Variants in NFIB observed in about 807,000 individuals in gnomAD.
NFIB encodes nuclear factor 1 B-type.
Under a neutral mutation model 61.5 loss-of-function variants are expected in NFIB, and 11 were observed. The observed-to-expected ratio is 0.18, with a 90% CI of 0.11 to 0.30. NFIB has a LOEUF of 0.30. NFIB is among the 10% of genes least tolerant of loss of function. The probability of loss-of-function intolerance (pLI) is 1.00; values close to 1 mark genes in which losing one functional copy is unlikely to be tolerated. For missense variants in NFIB, 471 were observed against 608.9 expected, an observed-to-expected ratio of 0.77 and a Z score of 2.38; for synonymous variants, 260 against 216.5, an observed-to-expected ratio of 1.20 and a Z score of -1.76.
At chr9:14,442,124 G>A in the NFIB span, among the ~76,000 whole-genome samples, 2 of 152,248 alleles carry the variant, frequency 1.3e-5, no homozygotes, top group South Asian at 4.2e-4. Flanking sequence ...GAGCTGCCAG[G>A]GCTGGGACTG....
chr9:14,346,718 A>C (rs1346932992), intron 1 of NFIB, among the ~76,000 whole-genome samples: 1 of 152,192 alleles, frequency 6.6e-6, no homozygotes, highest in East Asian at 1.9e-4. Context: ...CCACAAATTA[A>C]CTAGCTTGGG....
At chr9:14,090,550 T>C (rs2033722442) in intron 10 of NFIB, among the ~76,000 whole-genome samples, 1 of 152,122 alleles carries the variant, frequency 6.6e-6, no homozygotes, top group Admixed American at 6.6e-5. Context: ...AACGACCTAG[T>C]CACATCTATC....
the NFIB span, among the ~76,000 whole-genome samples, chr9:14,456,947 T>C: frequency 3.3e-5 from 5 of 152,208 alleles, no homozygotes; most frequent in African/African-American, 7.2e-5. Context: ...TGCCCAGTTT[T>C]GGACGATGGC....
At chr9:14,337,347 T>A (rs1406873173) in intron 1 of NFIB, among the ~76,000 whole-genome samples, 1 of 152,212 alleles carries the variant, frequency 6.6e-6, no homozygotes, top group East Asian at 1.9e-4. Flanking sequence ...TGCAGTATGA[T>A]TTTATTTATG....
At chr9:14,316,086 C>T (rs1476702608), upstream of NFIB, among the ~76,000 whole-genome samples, 1 of 152,176 alleles carries the variant, frequency 6.6e-6, no homozygotes, top group Non-Finnish European at 1.5e-5. Context: ...TTCCCTCCCC[C>T]AGCGGACCTG....
chr9:14,203,117 A>G (rs894964226), intron 2 of NFIB, among the ~76,000 whole-genome samples: 1 of 152,050 alleles, frequency 6.6e-6, no homozygotes, highest in Admixed American at 6.5e-5. Flanking sequence ...ACCTCCTTCT[A>G]TTAATATCCT....
At chr9:14,273,587 CT>C (rs1414088784) in intron 2 of NFIB, among the ~76,000 whole-genome samples, 2 of 152,064 alleles carry the variant, frequency 1.3e-5, no homozygotes, top group African/African-American at 4.8e-5. Context: ...CTGTCCTCGC[CT>C]AAAAAGTAAA....
chr9:14,209,085 T>A (rs2050045807), intron 2 of NFIB, among the ~76,000 whole-genome samples: 1 of 152,222 alleles, frequency 6.6e-6, no homozygotes, highest in Non-Finnish European at 1.5e-5. Flanking sequence ...GTTGCCTCTG[T>A]CTTATGAATC....
chr9:14,256,320 G>GA (rs1485463714), intron 2 of NFIB, among the ~76,000 whole-genome samples: 1 of 151,548 alleles, frequency 6.6e-6, no homozygotes. Flanking sequence ...TATGTTCTAA[G>GA]AAAAAAAATT....
At position 14,213,039 on chromosome 9, in the gene NFIB, T is replaced by C. The variant is rs182602257; in HGVS notation, c.563-33259A>G. Among the ~76,000 whole-genome samples, 641 of 152,330 alleles carry C rather than the reference T, an allele frequency of 4.2e-3. 6 individuals are homozygous for C. Among genetic ancestry groups the C allele is most frequent in the South Asian group, 0.013 (61 of 4,822 alleles). ...TAAAATGTGATAAAATCAAAAATTA[T>C]ACATCAATCATGTTTATGCACTACA... On this transcript the variant is annotated intron_variant, in intron 2 of 10. Coordinates refer to ENST00000380953, the MANE Select transcript of NFIB (RefSeq NM_001190737.2).
intron 2 of NFIB, among the ~76,000 whole-genome samples, chr9:14,230,408 G>T (rs1321983783): frequency 2.6e-5 from 4 of 152,140 alleles, no homozygotes; most frequent in Admixed American, 2.6e-4. Flanking sequence ...AAGAAACTTA[G>T]AGAGCAACAG....
At chr9:14,325,822 A>T (rs1055083824) in intron 1 of NFIB, among the ~76,000 whole-genome samples, 2 of 152,156 alleles carry the variant, frequency 1.3e-5, no homozygotes, top group African/African-American at 4.8e-5. Flanking sequence ...TTGGATATTG[A>T]AAAATAATAT....
intron 3 of NFIB, among the ~76,000 whole-genome samples, chr9:14,171,333 T>C (rs2045544466): frequency 6.6e-6 from 1 of 152,210 alleles, no homozygotes; most frequent in Admixed American, 6.5e-5. Flanking sequence ...TTGTTCATCC[T>C]TTTATCCAAA....
intron 5 of NFIB, among the ~76,000 whole-genome samples, chr9:14,147,961 T>C (rs1449443094): frequency 3.3e-5 from 5 of 151,938 alleles, no homozygotes; most frequent in Non-Finnish European, 5.9e-5. Flanking sequence ...CATTTTAATA[T>C]GGAAATATGA....
intron 1 of NFIB, among the ~76,000 whole-genome samples, chr9:14,320,331 T>C (rs71511083): frequency 6.6e-6 from 1 of 152,186 alleles, no homozygotes; most frequent in Non-Finnish European, 1.5e-5. Context: ...ATAATTACTG[T>C]TCTAATAATT....
chr9:14,493,005 A>G, the NFIB span, among the ~76,000 whole-genome samples: 7 of 152,186 alleles, frequency 4.6e-5, no homozygotes, highest in African/African-American at 1.4e-4. Flanking sequence ...TCACATTTCA[A>G]TAAGGCTTTA....
intron 1 of NFIB, among the ~76,000 whole-genome samples, chr9:14,397,849 C>G (rs1447748006): frequency 6.6e-6 from 1 of 152,154 alleles, no homozygotes; most frequent in East Asian, 1.9e-4. Context: ...GTACGTGCTG[C>G]TTTTCAGAGA....
chr9:14,290,995 T>C (rs1216490206), intron 2 of NFIB, among the ~76,000 whole-genome samples: 1 of 152,262 alleles, frequency 6.6e-6, no homozygotes, highest in East Asian at 1.9e-4. Context: ...CTGAAAAACA[T>C]GCTTTCAAAC....
intron 2 of NFIB, among the ~76,000 whole-genome samples, chr9:14,262,148 C>T (rs1321329345): frequency 1.3e-5 from 2 of 152,098 alleles, no homozygotes; most frequent in Non-Finnish European, 2.9e-5. Flanking sequence ...CTCTTGCTGC[C>T]CTTCTCACTC....
Sources: allele counts gnomAD v4.1 joint callset (sites outside exome capture counted in the v4.1 genomes callset), GRCh38; gene constraint gnomAD v4.1.1; transcripts MANE v1.5; gene names NCBI Gene and HGNC (gene_info 2026-07-23, HGNC 2026-07-21).